Variants in SYNE1 observed in about 807,000 individuals in gnomAD.
The protein encoded by SYNE1 is spectrin repeat containing nuclear envelope protein 1.
A neutral mutation model predicts 1,111.0 loss-of-function variants in SYNE1; 616 were observed. The observed-to-expected ratio is 0.55, with a 90% CI of 0.52 to 0.59. SYNE1 has a LOEUF of 0.59. Ranked by LOEUF, SYNE1 falls within the 20% of genes least tolerant of loss-of-function variation. The probability of loss-of-function intolerance (pLI) is 0.00; values close to 1 mark genes in which losing one functional copy is unlikely to be tolerated. For missense variants in SYNE1, 10,006 were observed against 10,417.0 expected (o/e 0.96, Z 1.72); for synonymous variants, 3,855 against 3,825.8 (o/e 1.01, Z -0.28).
chr6:152,549,832 C>T (rs112750889), intron 3 of SYNE1, among the ~76,000 whole-genome samples: 7,312 of 152,074 alleles, frequency 0.048, 234 homozygotes, highest in Non-Finnish European at 0.065. Context: ...ATTGGAGTTG[C>T]ATTTCTTTTG....
chr6:152,375,593 A>G (rs1012057850), intron 58 of SYNE1, among the ~76,000 whole-genome samples: 5 of 152,090 alleles, frequency 3.3e-5, no homozygotes, highest in African/African-American at 1.2e-4. Flanking sequence ...AAAAAAAAAG[A>G]CTAGAAAAAT....
chr6:152,218,181 G>T, intron 121 of SYNE1, 76 bp downstream of exon 121: 37 of 1,546,744 alleles, frequency 2.4e-5, no homozygotes, highest in Non-Finnish European at 3.1e-5. Flanking sequence ...GACAGAGTGA[G>T]ACTCCATCTC....
At chr6:152,463,276 G>T (rs2098744973) in intron 19 of SYNE1, 77 bp downstream of exon 19, 1 of 1,597,608 alleles carries the variant, frequency 6.3e-7, no homozygotes, top group Non-Finnish European at 8.6e-7. Flanking sequence ...TCTAAAAATA[G>T]CATTCTCTCT....
chr6:152,628,750 T>C (rs1185636030), intron 2 of SYNE1, among the ~76,000 whole-genome samples, 196 bp from the exon 3 acceptor site: 2 of 152,132 alleles, frequency 1.3e-5, no homozygotes, highest in Non-Finnish European at 2.9e-5. Flanking sequence ...ATAAAATAAA[T>C]ACATAAATGA....
Position 152,262,043 on chromosome 6 carries a change from G to C in SYNE1, c.18961C>G (p.Gln6321Glu). The change falls in exon 101 of 146, where the codon CAA (glutamine) becomes GAA (glutamate). Residue 6321 changes from glutamine to glutamate, a missense_variant. Around this residue, in one of 7 missense-constraint regions of SYNE1, gnomAD observed 2,182 missense variants for 2,287.8 expected, o/e 0.95. Coordinates refer to ENST00000367255, the MANE Select transcript of SYNE1 (RefSeq NM_182961.4). ...AAAATATTTGATACCACTTGCTCTT[G>C]TTCCTGTTCCAGAACATTCTGTAGT... ...KLLQNVLEQE[Q>E]EQVLYSRPNR... is the part of the protein sequence containing the mutation. 6.2e-7 allele frequency: 1 copy of C among 1,613,002 alleles called. No individual in the cohort carries two copies.
intron 132 of SYNE1, 149 bp downstream of exon 132, chr6:152,155,761 C>T (rs752631148): frequency 2.2e-6 from 2 of 927,968 alleles, no homozygotes; most frequent in South Asian, 1.4e-5. Context: ...ATTTTCCCAA[C>T]TAAATGTAGA....
At position 152,220,884 on chromosome 6, in the gene SYNE1, G is replaced by A. The variant is rs376651419; in HGVS notation, c.21819C>T (p.Asp7273=). Residue 7273 remains aspartate (D), a synonymous_variant, in exon 119 of 146, where the codon GAC becomes GAT. Coordinates refer to ENST00000367255, the MANE Select transcript of SYNE1 (RefSeq NM_182961.4). The part of the protein sequence containing the change: ...NELLKAATNK[D]IADDEVATWI... ...ATGTGGCAACCTCATCATCGGCAAT[G>A]TCCTTGTTTGTGGCTGCCTTCAACA... The A allele has an allele frequency of 9.1e-5, 147 of 1,614,034 alleles. No individual in the cohort carries two copies. The highest frequency in any genetic ancestry group is 1.2e-4 in the Non-Finnish European group (142 of 1,180,002).
intron 116 of SYNE1, among the ~76,000 whole-genome samples, chr6:152,225,280 AACACACAC>A (rs57426642): frequency 0.064 from 9,473 of 146,994 alleles, 375 homozygotes; most frequent in Non-Finnish European, 0.083. Context: ...CATATGCGCA[AACACACAC>A]ACACACACAC....
chr6:152,586,445 G>A (rs1435657738), intron 3 of SYNE1, among the ~76,000 whole-genome samples: 2 of 152,018 alleles, frequency 1.3e-5, no homozygotes, highest in Non-Finnish European at 2.9e-5. Flanking sequence ...TTCTCTTGCT[G>A]TTTTTTAACA....
At position 152,226,072 on chromosome 6, in the gene SYNE1, T is replaced by C. The variant is rs79493711; in HGVS notation, c.21196-196A>G. Reference sequence around the variant, plus strand: ...AAAAAAAAAGTCATCTTTTTACACATGGCAAATTAGCATAACTTTAAAAAA... The same window carrying C: ...AAAAAAAAAGTCATCTTTTTACACACGGCAAATTAGCATAACTTTAAAAAA... On this transcript the variant is annotated intron_variant, in intron 115 of 145. Coordinates refer to ENST00000367255, the MANE Select transcript of SYNE1 (RefSeq NM_182961.4). Among the ~76,000 whole-genome samples, 1,393 of 152,228 alleles carry C rather than the reference T, an allele frequency of 9.2e-3. 33 individuals are homozygous for C. The highest frequency in any genetic ancestry group is 0.032 in the African/African-American group (1,332 of 41,522).
At position 152,164,249 on chromosome 6, in the gene SYNE1, C is replaced by G. The variant is rs372990463; in HGVS notation, c.23704G>C (p.Ala7902Pro). Residue 7902 changes from alanine (A) to proline (P), a missense_variant, in exon 131 of 146, where the codon GCT (alanine) becomes CCT (proline). By Grantham distance (27) the Ala-to-Pro change is conservative (BLOSUM62 -1). Around this residue, in one of 7 missense-constraint regions of SYNE1, gnomAD observed 2,182 missense variants for 2,287.8 expected, o/e 0.95. Coordinates refer to ENST00000367255, the MANE Select transcript of SYNE1 (RefSeq NM_182961.4). The part of the protein sequence containing the change: ...KNMSSLRTWL[A>P]HIESELAKPI... ...TTGGCCAGCTCTGACTCGATGTGAG[C>G]GAGCCAGGTCCTCAGGCTGCTCATG... The G allele has an allele frequency of 6.2e-7, 1 of 1,614,170 alleles. No individual in the cohort carries two copies. Among genetic ancestry groups the G allele is most frequent in the Admixed American group, 1.7e-5 (1 of 60,028 alleles).
At chr6:152,571,165 T>C (rs2099453841) in intron 3 of SYNE1, among the ~76,000 whole-genome samples, 1 of 152,216 alleles carries the variant, frequency 6.6e-6, no homozygotes, top group Non-Finnish European at 1.5e-5. Context: ...TACCTTACAA[T>C]GTGTTCCATT....
intron 127 of SYNE1, among the ~76,000 whole-genome samples, chr6:152,190,966 T>A (rs1187781923): frequency 6.6e-6 from 1 of 152,236 alleles, no homozygotes; most frequent in Non-Finnish European, 1.5e-5. Flanking sequence ...GCTCAGTTTT[T>A]TGAGGGTTTT....
At chr6:152,589,098 G>T (rs1168162976) in intron 3 of SYNE1, among the ~76,000 whole-genome samples, 1 of 151,972 alleles carries the variant, frequency 6.6e-6, no homozygotes, top group African/African-American at 2.4e-5. Flanking sequence ...GTAGAGACGG[G>T]ATTTTACCAC....
At chr6:152,626,702 T>C (rs1299938045) in intron 3 of SYNE1, among the ~76,000 whole-genome samples, 3 of 152,204 alleles carry the variant, frequency 2.0e-5, no homozygotes, top group Non-Finnish European at 4.4e-5. Flanking sequence ...CCACTCACAC[T>C]GAAGCATCAC....
At chr6:152,564,100 C>T (rs1411579243) in intron 3 of SYNE1, among the ~76,000 whole-genome samples, 1 of 152,100 alleles carries the variant, frequency 6.6e-6, no homozygotes, top group Non-Finnish European at 1.5e-5. Context: ...GTAAGACAAT[C>T]AAAGACTAGA....
At chr6:152,363,305 T>C (rs1336733918) in intron 63 of SYNE1, among the ~76,000 whole-genome samples, 11 of 145,674 alleles carry the variant, frequency 7.6e-5, no homozygotes, top group East Asian at 4.6e-4. Context: ...CCATCCTGGC[T>C]AACACAGTGA....
intron 3 of SYNE1, among the ~76,000 whole-genome samples, chr6:152,549,752 T>G (rs1355605184): frequency 6.6e-6 from 1 of 152,214 alleles, no homozygotes; most frequent in Non-Finnish European, 1.5e-5. Context: ...TTGAGTCCTC[T>G]AATGACTGCT....
intron 3 of SYNE1, among the ~76,000 whole-genome samples, chr6:152,619,730 C>A (rs915133442): frequency 2.0e-5 from 3 of 151,972 alleles, no homozygotes; most frequent in African/African-American, 7.3e-5. Context: ...AGAGGCGGGG[C>A]AGTGACACAC....
Sources: allele counts gnomAD v4.1 joint callset (sites outside exome capture counted in the v4.1 genomes callset), GRCh38; gene constraint gnomAD v4.1.1; regional missense constraint gnomAD v4.1.1; transcripts MANE v1.5; gene names NCBI Gene and HGNC (gene_info 2026-07-23, HGNC 2026-07-21).